ITGAD: variants seen among roughly 807,000 people sequenced by gnomAD.
ITGAD encodes the protein integrin subunit alpha D, also known as integrin alpha-D.
ITGAD carries 105 observed loss-of-function variants against 139.0 expected under a neutral mutation model. That is an observed-to-expected ratio of 0.76 (90% CI 0.65 to 0.89). ITGAD has a LOEUF of 0.89. Among genes scored for constraint, ITGAD ranks in the 40% least tolerant of loss-of-function variants. ITGAD has a pLI of 0.00. For synonymous variants in ITGAD, 569 were observed against 598.3 expected, an observed-to-expected ratio of 0.95 and a Z score of 0.71; for missense variants, 1,384 against 1,487.3, an observed-to-expected ratio of 0.93 and a Z score of 1.14.
Position 31,403,636 on chromosome 16 carries a change from T to G in ITGAD, c.695T>G (p.Leu232Arg), listed in dbSNP as rs148552407. The change falls in exon 7 of 30, where the codon CTG (leucine) becomes CGG (arginine). Residue 232 changes from leucine (L) to arginine (R), a missense_variant. Physicochemically the swap from Leu to Arg is moderately radical, Grantham distance 102. Transcript: ENST00000389202. The surrounding 1 kb of genome is among the most constrained non-coding windows in gnomAD (Gnocchi z 4.4). Reference sequence around the variant, plus strand: ...CTGACGTTCACGGCCACGGGCATCCTGACAGTGGTGTAAGCAACCCCGACC... The same window carrying G: ...CTGACGTTCACGGCCACGGGCATCCGGACAGTGGTGTAAGCAACCCCGACC... ...KGLTFTATGI[L>R]TVVTQLFHHK... 6.2e-7 allele frequency: 1 copy of G among 1,614,056 alleles called. No homozygotes were observed. Among genetic ancestry groups the G allele is most frequent in the African/African-American group, 1.3e-5 (1 of 74,918 alleles).
rs2081678844 is a variant in ITGAD, at chr16:31,410,819, G to A, written c.1297G>A (p.Val433Ile). 1 of 1,613,888 alleles carries A rather than the reference G, an allele frequency of 6.2e-7. No individual in the cohort carries two copies. Among genetic ancestry groups the A allele is most frequent in the East Asian group, 2.2e-5 (1 of 44,846 alleles). The stretch of plus-strand genomic sequence containing the variant: ...CCGCTACCAGCATACCGGGAAGGCT[G>A]TCATCTTCACCCAGGTGTCCAGGCA... ...APRYQHTGKA[V>I]IFTQVSRQWR... The change falls in exon 12 of 30, where the codon GTC becomes ATC. Residue 433 changes from valine (V) to isoleucine (I), a missense_variant. Physicochemically the swap from Val to Ile is conservative, Grantham distance 29 (BLOSUM62 3). Transcript: ENST00000389202.
chr16:31,415,930 G>T (rs2081874466), intron 18 of ITGAD, among the ~76,000 whole-genome samples: 1 of 152,200 alleles, frequency 6.6e-6, no homozygotes, highest in Non-Finnish European at 1.5e-5. Flanking sequence ...GCCCAACCCA[G>T]AACCTGCACA....
Position 31,423,332 on chromosome 16 carries a change from T to A in ITGAD, c.2860-20T>A, listed in dbSNP as rs781123549. The A allele has an allele frequency of 1.2e-6, 2 of 1,610,100 alleles. No homozygotes were observed. Among genetic ancestry groups the A allele is most frequent in the Non-Finnish European group, 8.5e-7 (1 of 1,176,470 alleles). On this transcript the variant is annotated intron_variant, in intron 24 of 29. Coordinates refer to ENST00000389202, the MANE Select transcript of ITGAD (RefSeq NM_005353.3). ...AAGGCTCCAGAGACCACAATAACAC[T>A]CTGCCTTGATTTCCTGCAGGTGAAT...
At chr16:31,423,056 C>T in intron 23 of ITGAD, 58 bp from the exon 24 acceptor site, 2 of 1,327,908 alleles carry the variant, frequency 1.5e-6, no homozygotes, top group East Asian at 2.3e-5. Flanking sequence ...TGCAGTAGGA[C>T]AGGGCACAAC....
At chr16:31,417,209 A>AAT (rs1293300098) in intron 20 of ITGAD, among the ~76,000 whole-genome samples, 5 of 78,632 alleles carry the variant, frequency 6.4e-5, no homozygotes, top group African/African-American at 2.1e-4. Flanking sequence ...ACGCCCAGCT[A>AAT]ATATTTATTT....
Position 31,411,352 on chromosome 16 carries a change from C to T in ITGAD, c.1542C>T (p.Gly514=), listed in dbSNP as rs1163609368. 6.2e-7 allele frequency: 1 copy of T among 1,613,908 alleles called. No individual in the cohort carries two copies. The highest frequency in any genetic ancestry group is 1.1e-5 in the South Asian group (1 of 91,078). Residue 514 remains glycine, a synonymous_variant, in exon 14 of 30, where the codon GGC becomes GGT. Coordinates refer to ENST00000389202, the MANE Select transcript of ITGAD (RefSeq NM_005353.3). ...ACGCTGTTCTCCGTGGTGAGCAGGG[C>T]CACCCCTGGGGCCGCTTTGGGGCAG... ...QCDAVLRGEQ[G]HPWGRFGAAL...
chr16:31,394,130 CAAAAAA>C (rs943198130), intron 1 of ITGAD, 100 bp from the exon 2 acceptor site: 50 of 416,878 alleles, frequency 1.2e-4, no homozygotes, highest in African/African-American at 1.7e-4. Context: ...GACTCCATCT[CAAAAAA>C]AAAAAAAAAA....
rs1567337685 is a variant in ITGAD, at chr16:31,410,376, T to G, written c.1084-19T>G. 1.9e-6 allele frequency: 3 copies of G among 1,613,548 alleles called. No individual in the cohort carries two copies. Among genetic ancestry groups the G allele is most frequent in the East Asian group, 2.2e-5 (1 of 44,878 alleles). ...TCCCGCTCTAGTCTCTGCCCAGCCC[T>G]GGAATTCTTTCCTCCCAGGATGGCC... On this transcript the variant is annotated intron_variant, in intron 10 of 29. Coordinates refer to ENST00000389202, the MANE Select transcript of ITGAD (RefSeq NM_005353.3).
At position 31,409,302 on chromosome 16, in the gene ITGAD, C is replaced by A. The variant is rs533620851; in HGVS notation, c.1083+804C>A. Among the ~76,000 whole-genome samples, 61 of 144,916 alleles carry A rather than the reference C, an allele frequency of 4.2e-4. No homozygotes were observed. In the East Asian group the frequency reaches 0.01, roughly 25 times the overall value. On this transcript the variant is annotated intron_variant, in intron 10 of 29. Coordinates refer to ENST00000389202, the MANE Select transcript of ITGAD (RefSeq NM_005353.3). ...AGAACGAGTCTCTGTCTCAAAACAA[C>A]AACAACAACAAAAACAAAAACAAAA...
At chr16:31,420,522 C>A (rs574967614) in intron 23 of ITGAD, among the ~76,000 whole-genome samples, 17 of 152,024 alleles carry the variant, frequency 1.1e-4, no homozygotes, top group Admixed American at 6.6e-5. Context: ...CTCAGCCTCC[C>A]GAGTAGTTGG....
chr16:31,398,867 G>T (rs1567324267), intron 5 of ITGAD, among the ~76,000 whole-genome samples: 1 of 152,136 alleles, frequency 6.6e-6, no homozygotes, highest in Non-Finnish European at 1.5e-5. Flanking sequence ...GTTGCCAACA[G>T]GTGCATGGCC....
chr16:31,426,100 G>C lies in ITGAD; in HGVS notation c.3458G>C (p.Cys1153Ser), dbSNP rs370863620. 6.8e-6 allele frequency: 11 copies of C among 1,612,780 alleles called. No homozygotes were observed. In the African/African-American group the frequency reaches 1.3e-4, roughly 20 times the overall value. Residue 1153 changes from cysteine (C) to serine (S), a missense_variant, in exon 30 of 30, where the codon TGT (cysteine) becomes TCT (serine). Transcript: ENST00000389202. Reference protein sequence around the residue: ...TATFSGDDFSCVAPNVPLS With the variant: ...TATFSGDDFSSVAPNVPLS ...ACATTCAGTGGGGACGATTTCAGCT[G>C]TGTGGCCCCAAATGTGCCTTTGTCC... is the stretch of plus-strand genomic sequence containing the variant.
intron 20 of ITGAD, among the ~76,000 whole-genome samples, chr16:31,417,762 T>C (rs904611951): frequency 1.3e-5 from 2 of 152,034 alleles, no homozygotes; most frequent in African/African-American, 4.8e-5. Flanking sequence ...CTGGCCAACA[T>C]GGTGAAACCC....
intron 5 of ITGAD, among the ~76,000 whole-genome samples, chr16:31,400,656 G>A (rs1319733333): frequency 1.3e-5 from 2 of 152,148 alleles, no homozygotes; most frequent in Admixed American, 6.5e-5. Flanking sequence ...CCAGGCTGGA[G>A]TGCAGTGGCA....
intron 14 of ITGAD, 97 bp from the exon 15 acceptor site, chr16:31,412,741 C>T (rs2142766985): frequency 6.6e-7 from 1 of 1,504,440 alleles, no homozygotes; most frequent in Admixed American, 1.7e-5. Context: ...CCCTTCTCTC[C>T]CTTTGCCACC....
At chr16:31,404,094 T>C (rs112861985) in intron 7 of ITGAD, 2,789 of 158,968 alleles carry the variant, frequency 0.018, 82 homozygotes, top group African/African-American at 0.063. Context: ...CCGGGGCACG[T>C]AGGAGGTGTC....
intron 20 of ITGAD, among the ~76,000 whole-genome samples, chr16:31,417,617 T>G (rs2081922740): frequency 6.6e-6 from 1 of 152,076 alleles, no homozygotes; most frequent in Admixed American, 6.6e-5. Context: ...TTTGTATGGG[T>G]CAATTTTCCT....
At chr16:31,419,093 T>C (rs1363235731) in intron 23 of ITGAD, among the ~76,000 whole-genome samples, 1 of 149,554 alleles carries the variant, frequency 6.7e-6, no homozygotes, top group African/African-American at 2.5e-5. Context: ...CTCAGGAGGC[T>C]AAGGCAGGAG....
At chr16:31,405,528 C>T (rs2081515582) in intron 7 of ITGAD, among the ~76,000 whole-genome samples, 1 of 152,116 alleles carries the variant, frequency 6.6e-6, no homozygotes, top group Admixed American at 6.5e-5. Flanking sequence ...ATGCCACTTC[C>T]ATACTCATCT....
Sources: allele counts gnomAD v4.1 joint callset (sites outside exome capture counted in the v4.1 genomes callset), GRCh38; gene constraint gnomAD v4.1.1; non-coding constraint Gnocchi (gnomAD v3.1); transcripts MANE v1.5; gene names NCBI Gene and HGNC (gene_info 2026-07-23, HGNC 2026-07-21).